CDH8: variants seen among roughly 807,000 people sequenced by gnomAD.
CDH8 encodes the protein cadherin 8, also known as cadherin-8.
Under a neutral mutation model 68.1 loss-of-function variants are expected in CDH8, and 17 were observed. The observed-to-expected ratio is 0.25, with a 90% confidence interval of 0.17 to 0.37. The LOEUF is 0.37. Among genes scored for constraint, CDH8 ranks in the 10% least tolerant of loss-of-function variants. The pLI, the probability that CDH8 is intolerant of heterozygous loss-of-function variation, is 1.00. For missense variants in CDH8, 763 were observed against 999.3 expected (o/e 0.76, Z 3.19); for synonymous variants, 372 against 365.1 (o/e 1.02, Z -0.21).
chr16:61,683,458 C>G (rs1006987349), intron 10 of CDH8, among the ~76,000 whole-genome samples: 7 of 150,526 alleles, frequency 4.7e-5, no homozygotes, highest in South Asian at 4.2e-4. Context: ...CAGTGCCATA[C>G]TTGTAGAAGT....
At chr16:61,874,112 C>T (rs1963418858) in intron 3 of CDH8, among the ~76,000 whole-genome samples, 1 of 151,920 alleles carries the variant, frequency 6.6e-6, no homozygotes, top group South Asian at 2.1e-4. Context: ...ATGATTTTTG[C>T]CCAACTGCTG....
At chr16:61,857,399 A>G (rs1963067439) in intron 3 of CDH8, among the ~76,000 whole-genome samples, 161 bp from the exon 4 acceptor site, 1 of 152,184 alleles carries the variant, frequency 6.6e-6, no homozygotes, top group South Asian at 2.1e-4. Flanking sequence ...CATAACTTCA[A>G]CAATATCTAA....
intron 7 of CDH8, among the ~76,000 whole-genome samples, chr16:61,803,693 A>G (rs1009104345): frequency 2.0e-5 from 3 of 150,498 alleles, no homozygotes; most frequent in Non-Finnish European, 3.0e-5. Context: ...ACAGACTTTA[A>G]ACCAACAAAG....
chr16:61,679,693 A>G (rs1325275988), intron 10 of CDH8, among the ~76,000 whole-genome samples: 1 of 151,996 alleles, frequency 6.6e-6, no homozygotes, highest in Admixed American at 6.6e-5. Context: ...TTCCTTTGAA[A>G]CTGTACTAAT....
chr16:61,853,827 C>T (rs906549772), intron 4 of CDH8, among the ~76,000 whole-genome samples: 6 of 151,958 alleles, frequency 3.9e-5, no homozygotes, highest in South Asian at 2.1e-4. Flanking sequence ...TTAAAATCAA[C>T]GTATATATTA....
intron 8 of CDH8, among the ~76,000 whole-genome samples, chr16:61,732,008 A>G (rs563003546): frequency 6.6e-6 from 1 of 151,912 alleles, no homozygotes; most frequent in East Asian, 1.9e-4. Flanking sequence ...GAGACTCAAA[A>G]GTAGATTTAA....
At chr16:61,801,430 G>A (rs1961627267) in intron 7 of CDH8, among the ~76,000 whole-genome samples, 1 of 152,232 alleles carries the variant, frequency 6.6e-6, no homozygotes, top group South Asian at 2.1e-4. Context: ...GAGCTGGACA[G>A]CTAGCGGTGT....
chr16:61,909,565 T>C (rs888022748), intron 2 of CDH8, among the ~76,000 whole-genome samples: 1 of 152,178 alleles, frequency 6.6e-6, no homozygotes, highest in African/African-American at 2.4e-5. Context: ...ATTCCAGAAC[T>C]TATGTACTTT....
chr16:61,701,682 A>G (rs1964430731), intron 10 of CDH8, among the ~76,000 whole-genome samples: 1 of 152,210 alleles, frequency 6.6e-6, no homozygotes, highest in South Asian at 2.1e-4. Context: ...CGGGAAGAGC[A>G]AAAGGACATC....
At chr16:61,829,473 C>T (rs1036777293) in intron 4 of CDH8, among the ~76,000 whole-genome samples, 2 of 151,962 alleles carry the variant, frequency 1.3e-5, no homozygotes, top group Non-Finnish European at 2.9e-5. Flanking sequence ...CTGCATGTCA[C>T]TCCTACACAG....
intron 8 of CDH8, among the ~76,000 whole-genome samples, chr16:61,772,918 AC>A (rs1960813999): frequency 6.6e-6 from 1 of 151,886 alleles, no homozygotes; most frequent in Non-Finnish European, 1.5e-5. Context: ...TCCATTCATA[AC>A]CTATTCTGCT....
chr16:61,964,954 C>T (rs867676083), intron 2 of CDH8, among the ~76,000 whole-genome samples: 1 of 152,156 alleles, frequency 6.6e-6, no homozygotes, highest in East Asian at 1.9e-4. Context: ...CATAATCTGG[C>T]CTCTACCACA....
chr16:61,844,177 C>CA (rs1962749726), intron 4 of CDH8, among the ~76,000 whole-genome samples: 1 of 146,892 alleles, frequency 6.8e-6, no homozygotes, highest in East Asian at 2.0e-4. Context: ...ATCGCAAGGA[C>CA]AAAAAAACAA....
chr16:61,724,979 A>G (rs77418967), intron 9 of CDH8, among the ~76,000 whole-genome samples: 3,688 of 150,998 alleles, frequency 0.024, 167 homozygotes, highest in African/African-American at 0.086. Flanking sequence ...AGAGTTCAAG[A>G]AAGTTGTTTC....
intron 2 of CDH8, among the ~76,000 whole-genome samples, chr16:61,941,813 G>T (rs572791556): frequency 6.6e-6 from 1 of 151,982 alleles, no homozygotes; most frequent in Non-Finnish European, 1.5e-5. Context: ...CTCCTCTGTT[G>T]ACACCCTTTT....
At chr16:62,032,255 T>A (rs1251005058) in intron 1 of CDH8, among the ~76,000 whole-genome samples, 1 of 152,192 alleles carries the variant, frequency 6.6e-6, no homozygotes, top group South Asian at 2.1e-4. Context: ...AAAGGGAACA[T>A]GATAAAAATC....
chr16:61,989,759 C>T (rs572109651), intron 2 of CDH8, among the ~76,000 whole-genome samples: 1 of 152,160 alleles, frequency 6.6e-6, no homozygotes, highest in Non-Finnish European at 1.5e-5. Flanking sequence ...TATTCCTGCT[C>T]AAACAAATAA....
At chr16:61,712,284 T>C (rs1368925505) in intron 10 of CDH8, among the ~76,000 whole-genome samples, 1 of 151,694 alleles carries the variant, frequency 6.6e-6, no homozygotes, top group Non-Finnish European at 1.5e-5. Flanking sequence ...CTTTCCTTGG[T>C]ACCCAATAAT....
At chr16:61,702,999 A>G (rs1479215262) in intron 10 of CDH8, among the ~76,000 whole-genome samples, 1 of 152,162 alleles carries the variant, frequency 6.6e-6, no homozygotes, top group African/African-American at 2.4e-5. Flanking sequence ...TTAGACATTG[A>G]TTTTTCTTGC....
Sources: allele counts gnomAD v4.1 joint callset (sites outside exome capture counted in the v4.1 genomes callset), GRCh38; gene constraint gnomAD v4.1.1; transcripts MANE v1.5; gene names NCBI Gene and HGNC (gene_info 2026-07-23, HGNC 2026-07-21).